Variants in MAP3K5 observed in about 807,000 individuals in gnomAD.
MAP3K5 encodes the protein ASK-1.
Under a neutral mutation model 158.7 loss-of-function variants are expected in MAP3K5, and 56 were observed. That is an observed-to-expected ratio of 0.35 (90% confidence interval 0.28 to 0.44). The LOEUF (loss-of-function observed/expected upper bound fraction) is 0.44, where lower values mean the gene tolerates loss of function less well. Ranked by LOEUF, MAP3K5 falls within the 20% of genes least tolerant of loss-of-function variation. MAP3K5 has a pLI of 1.00. For synonymous variants in MAP3K5, 579 were observed against 601.7 expected (o/e 0.96, Z 0.55); for missense variants, 1,294 against 1,674.8 (o/e 0.77, Z 3.97).
chr6:136,673,096 C>T (rs1481114104), intron 7 of MAP3K5, among the ~76,000 whole-genome samples: 1 of 151,568 alleles, frequency 6.6e-6, no homozygotes, highest in Non-Finnish European at 1.5e-5. Flanking sequence ...AAATCTCCGA[C>T]AGTATTTAAG....
At chr6:136,747,776 T>C (rs1470655651) in intron 1 of MAP3K5, among the ~76,000 whole-genome samples, 1 of 152,214 alleles carries the variant, frequency 6.6e-6, no homozygotes, top group African/African-American at 2.4e-5. Context: ...AGCACCCAGT[T>C]GATGCCCATG....
chr6:136,713,844 G>A (rs1781412885), intron 2 of MAP3K5, among the ~76,000 whole-genome samples: 1 of 152,118 alleles, frequency 6.6e-6, no homozygotes, highest in African/African-American at 2.4e-5. Context: ...GATGTCCAGA[G>A]GCAGCACTAT....
At chr6:136,792,866 C>G (rs1181310015), upstream of MAP3K5, among the ~76,000 whole-genome samples, 2 of 152,190 alleles carry the variant, frequency 1.3e-5, no homozygotes, top group African/African-American at 4.8e-5. The surrounding 1 kb of genome is among the most constrained non-coding windows in gnomAD (Gnocchi z 5.7). Flanking sequence ...TTCTGGCCAC[C>G]CACTCGTAGC....
At position 136,669,884 on chromosome 6, in the gene MAP3K5, GGTGTGTGTGTGTGTGTGTGT is replaced by G. The variant is rs60778677; in HGVS notation, c.1254-509_1254-490del. 2.1e-3 allele frequency among the ~76,000 whole-genome samples: 305 copies of G among 144,496 alleles called. 1 individual carries two copies. The highest frequency in any genetic ancestry group is 6.4e-3 in the African/African-American group (251 of 38,988). 94.8% of individuals were successfully genotyped at this position (144,496 alleles called of 152,430 possible). A position where few individuals can be genotyped will look rare whatever the true frequency, so the allele number is the denominator to read the frequency against. On this transcript the variant is annotated intron_variant, in intron 7 of 29. Coordinates refer to ENST00000359015, the MANE Select transcript of MAP3K5 (RefSeq NM_005923.4). ...CGTCTACTTGGAAGCCATCATTCAG[GGTGTGTGTGTGTGTGTGTGT>G]GTGTGTGTGTGTGTGTACAATAAAC...
At chr6:136,695,908 A>G (rs1489749286) in intron 6 of MAP3K5, 43 bp downstream of exon 6, 1 of 1,183,754 alleles carries the variant, frequency 8.4e-7, no homozygotes, top group Non-Finnish European at 1.3e-6. Flanking sequence ...AGGTTACACA[A>G]TAATATGTTA....
chr6:136,705,401 C>T (rs536782879), intron 2 of MAP3K5, among the ~76,000 whole-genome samples: 4 of 152,042 alleles, frequency 2.6e-5, no homozygotes, highest in Non-Finnish European at 5.9e-5. Context: ...CTCAAGTGAT[C>T]CTCCCACCTC....
intron 1 of MAP3K5, among the ~76,000 whole-genome samples, chr6:136,733,498 A>C (rs1238463483): frequency 6.6e-6 from 1 of 152,234 alleles, no homozygotes; most frequent in African/African-American, 2.4e-5. Context: ...TCTCCTACAT[A>C]ATTTTGCTTA....
Position 136,698,592 on chromosome 6 carries a change from T to A in MAP3K5, c.703A>T (p.Thr235Ser). The A allele has an allele frequency of 6.2e-7, 1 of 1,614,008 alleles. No individual in the cohort carries two copies. The highest frequency in any genetic ancestry group is 1.1e-5 in the South Asian group (1 of 91,086). Residue 235 changes from threonine to serine, a missense_variant, in exon 4 of 30, where the codon ACA becomes TCA. Physicochemically the swap from Thr to Ser is moderately conservative, Grantham distance 58 (BLOSUM62 1). Coordinates refer to ENST00000359015, the MANE Select transcript of MAP3K5 (RefSeq NM_005923.4). ...CCDSSFMKGL[T>S]ELMQPNFELL... ...TCGAAGTTCGGTTGCATGAGCTCTG[T>A]CAACCCCTTCATGAAGCTGCTGTCA...
At chr6:136,629,000 A>T (rs943303467) in intron 14 of MAP3K5, among the ~76,000 whole-genome samples, 3 of 152,254 alleles carry the variant, frequency 2.0e-5, no homozygotes, top group African/African-American at 7.2e-5. Context: ...TATATTTTGC[A>T]TTCTATTTCT....
chr6:136,791,202 T>C (rs1785059745), intron 1 of MAP3K5, among the ~76,000 whole-genome samples: 1 of 152,034 alleles, frequency 6.6e-6, no homozygotes. Context: ...TTATCGAAGG[T>C]AAGGTGAGTT....
intron 11 of MAP3K5, chr6:136,648,034 T>C (rs1036877495): frequency 3.9e-5 from 6 of 152,214 alleles, no homozygotes; most frequent in African/African-American, 1.4e-4. Flanking sequence ...TTAGAAATGT[T>C]GCTGATGGGG....
intron 10 of MAP3K5, 31 bp from the exon 11 acceptor site, chr6:136,651,122 C>A (rs1264633194): frequency 8.9e-6 from 11 of 1,239,346 alleles, no homozygotes; most frequent in Non-Finnish European, 1.3e-5. Flanking sequence ...AAACTAATAT[C>A]AGTGACTTAA....
chr6:136,766,866 TAA>T (rs1562688501), intron 1 of MAP3K5, among the ~76,000 whole-genome samples: 1 of 152,030 alleles, frequency 6.6e-6, no homozygotes, highest in Non-Finnish European at 1.5e-5. Flanking sequence ...TTAATTTTTA[TAA>T]GTTTTTTTCT....
intron 1 of MAP3K5, among the ~76,000 whole-genome samples, chr6:136,729,504 T>A (rs183490668): frequency 6.6e-6 from 1 of 152,344 alleles, no homozygotes; most frequent in East Asian, 1.9e-4. Flanking sequence ...GAGGAGACCC[T>A]TTGAGCAATG....
chr6:136,643,699 G>A (rs1778102207), intron 11 of MAP3K5, among the ~76,000 whole-genome samples: 1 of 152,230 alleles, frequency 6.6e-6, no homozygotes, highest in Non-Finnish European at 1.5e-5. Context: ...GTGCATGTCA[G>A]TCAGGTCATG....
chr6:136,769,823 GAGGGAGGGA>G (rs1242494414), intron 1 of MAP3K5, among the ~76,000 whole-genome samples: 108 of 63,274 alleles, frequency 1.7e-3, no homozygotes, highest in South Asian at 2.8e-3. Flanking sequence ...GGACGGGAGG[GAGGGAGGGA>G]AGGGAGGGAG....
At chr6:136,785,580 C>T (rs1784808570) in intron 1 of MAP3K5, among the ~76,000 whole-genome samples, 1 of 152,122 alleles carries the variant, frequency 6.6e-6, no homozygotes, top group Admixed American at 6.6e-5. Flanking sequence ...CTGGGTCTTA[C>T]GTCGGCCAGA....
At chr6:136,582,721 A>AT (rs1406633761) in intron 24 of MAP3K5, among the ~76,000 whole-genome samples, 2 of 152,276 alleles carry the variant, frequency 1.3e-5, no homozygotes, top group Non-Finnish European at 2.9e-5. Flanking sequence ...CAATACACAC[A>AT]TTAGGGCTGA....
chr6:136,696,010 T>G lies in MAP3K5; in HGVS notation c.1023A>C (p.Pro341=). 1.2e-6 allele frequency: 2 copies of G among 1,613,782 alleles called. No individual in the cohort carries two copies. The highest frequency in any genetic ancestry group is 1.7e-6 in the Non-Finnish European group (2 of 1,179,776). ...VKLVETLEKL[P]TFDLASHHHV... ...GGTGATGGGAGGCCAAATCAAAGGT[T>G]GGCAGTTTTTCTAAAGTCTCTACCA... The change falls in exon 6 of 30, where the codon CCA becomes CCC. Residue 341 remains proline (P), a synonymous_variant. Coordinates refer to ENST00000359015, the MANE Select transcript of MAP3K5 (RefSeq NM_005923.4).
Sources: gnomAD v4.1 joint callset for allele counts (sites outside exome capture counted in the v4.1 genomes callset) on GRCh38, gnomAD v4.1.1 for gene constraint, Gnocchi (gnomAD v3.1) non-coding constraint, MANE v1.5 for transcripts, NCBI Gene and HGNC (gene_info 2026-07-23, HGNC 2026-07-21) for gene names.